Variants in NCEH1 observed in about 807,000 individuals in gnomAD.
NCEH1 encodes the protein 2-acetyl MAGE hydrolase.
A neutral mutation model predicts 25.4 loss-of-function variants in NCEH1; 9 were observed. That is an observed-to-expected ratio of 0.35 (90% CI 0.21 to 0.62). NCEH1 has a LOEUF of 0.62. Ranked by LOEUF, NCEH1 falls within the 20% of genes least tolerant of loss-of-function variation. NCEH1 has a pLI of 0.72. For synonymous variants in NCEH1, 200 were observed against 199.8 expected (o/e 1.00, Z -0.01); for missense variants, 412 against 501.1 (o/e 0.82, Z 1.70).
chr3:172,700,062 A>C (rs1713595338), intron 1 of NCEH1, among the ~76,000 whole-genome samples: 1 of 152,214 alleles, frequency 6.6e-6, no homozygotes, highest in African/African-American at 2.4e-5. Flanking sequence ...GAGCTTCCCA[A>C]TAGGTATTCT....
At position 172,632,046 on chromosome 3, in the gene NCEH1, G is replaced by A. The variant is rs1401907679; in HGVS notation, c.*1429C>T. The A allele has an allele frequency of 6.6e-6, 1 of 152,626 alleles. No homozygotes were observed. The highest frequency in any genetic ancestry group is 1.5e-5 in the Non-Finnish European group (1 of 68,036). The allele number at this position is 152,626 out of a possible 1,614,324, so 9.5% of individuals were successfully genotyped here. On this transcript the variant is annotated 3_prime_UTR_variant, in exon 5 of 5. Coordinates refer to ENST00000475381, the MANE Select transcript of NCEH1 (RefSeq NM_020792.6). The stretch of plus-strand genomic sequence containing the variant: ...ACCTGGCTGGAAGGAGGAGATGGGG[G>A]ATCTAGGCAACACCAGGTGCCAGTG...
At chr3:172,701,453 T>A (rs1713676031) in intron 1 of NCEH1, among the ~76,000 whole-genome samples, 1 of 137,340 alleles carries the variant, frequency 7.3e-6, no homozygotes, top group Non-Finnish European at 1.5e-5. Context: ...TTTTGCCTTT[T>A]TTTTTTTTTT....
At position 172,648,181 on chromosome 3, in the gene NCEH1, C is replaced by T. The variant is rs1269083364; in HGVS notation, c.139-67G>A. On this transcript the variant is annotated intron_variant, in intron 1 of 4. Coordinates refer to ENST00000475381, the MANE Select transcript of NCEH1 (RefSeq NM_020792.6). ...AACTTGGCATCACCAGAGCTGCCCTCACCAACTGAGTGTCTGAATTCCTAC... is the reference window on the plus strand; with the variant it reads ...AACTTGGCATCACCAGAGCTGCCCTTACCAACTGAGTGTCTGAATTCCTAC... 2.5e-6 allele frequency: 4 copies of T among 1,573,522 alleles called. No individual in the cohort carries two copies. In the South Asian group the frequency reaches 3.4e-5, roughly 13 times the overall value.
chr3:172,708,548 G>T (rs1023346566), intron 1 of NCEH1, among the ~76,000 whole-genome samples: 1 of 152,098 alleles, frequency 6.6e-6, no homozygotes, highest in African/African-American at 2.4e-5. Context: ...GTAGAAAGAG[G>T]TTTCACTATG....
chr3:172,690,878 A>C (rs1369854943), intron 1 of NCEH1, among the ~76,000 whole-genome samples: 1 of 152,090 alleles, frequency 6.6e-6, no homozygotes, highest in Non-Finnish European at 1.5e-5. Flanking sequence ...CTATTTTCCA[A>C]AATTTCTATA....
intron 3 of NCEH1, among the ~76,000 whole-genome samples, chr3:172,638,541 TG>T (rs1716706690): frequency 1.7e-5 from 2 of 115,228 alleles, no homozygotes; most frequent in African/African-American, 6.7e-5. Context: ...CCCTAGTTCT[TG>T]GGGTGGGGGG....
chr3:172,685,409 T>TC (rs774376405), intron 1 of NCEH1, among the ~76,000 whole-genome samples: 11 of 152,222 alleles, frequency 7.2e-5, no homozygotes, highest in Non-Finnish European at 1.2e-4. Flanking sequence ...ATAAATCCCT[T>TC]CCCTAAGGCT....
chr3:172,692,906 G>A (rs1713148104), intron 1 of NCEH1, among the ~76,000 whole-genome samples: 1 of 152,184 alleles, frequency 6.6e-6, no homozygotes, highest in Non-Finnish European at 1.5e-5. Flanking sequence ...TGTCTGCCAT[G>A]CTCTTTCACC....
At chr3:172,640,858 G>C (rs115174581) in intron 3 of NCEH1, among the ~76,000 whole-genome samples, 101 of 152,288 alleles carry the variant, frequency 6.6e-4, no homozygotes, top group African/African-American at 2.4e-3. Context: ...CTTGAGTGCA[G>C]TGACACCATC....
intron 1 of NCEH1, among the ~76,000 whole-genome samples, chr3:172,670,828 C>A (rs1420922645): frequency 1.3e-5 from 2 of 151,848 alleles, no homozygotes; most frequent in African/African-American, 2.4e-5. Flanking sequence ...TTAAAAGAAC[C>A]AAAAACCTAT....
Position 172,635,993 on chromosome 3 carries a change from A to G in NCEH1, c.532T>C (p.Tyr178His). The change falls in exon 4 of 5, where the codon TAT becomes CAT. Residue 178 changes from tyrosine (Y) to histidine (H), a missense_variant. By Grantham distance (83) the Tyr-to-His change is moderately conservative. Coordinates refer to ENST00000475381, the MANE Select transcript of NCEH1 (RefSeq NM_020792.6). ...YFLKPEVLQK[Y>H]MVDPGRICIS... ...CAAATTCTGCCTGGATCAACCATAT[A>G]CTTCTGTAAGACTTCTGGCTTCAGG... The G allele has an allele frequency of 4.3e-6, 7 of 1,614,100 alleles. No individual in the cohort carries two copies. Among genetic ancestry groups the G allele is most frequent in the Non-Finnish European group, 5.9e-6 (7 of 1,179,986 alleles).
At chr3:172,643,843 C>T (rs1417624542) in intron 3 of NCEH1, among the ~76,000 whole-genome samples, 2 of 152,234 alleles carry the variant, frequency 1.3e-5, no homozygotes, top group Non-Finnish European at 2.9e-5. Flanking sequence ...TGAATGGCCC[C>T]TGAAGCTTGT....
rs1384589236 is a variant in NCEH1, at chr3:172,648,094, C to T, written c.159G>A (p.Leu53=). 1.2e-6 allele frequency: 2 copies of T among 1,614,084 alleles called. No homozygotes were observed. The highest frequency in any genetic ancestry group is 1.7e-6 in the Non-Finnish European group (2 of 1,180,032). ...GTGCCAGCAGGTGATGGCTCAGTCC[C>T]AGGTAGTGGATCAGGTTACTCTGCA... ...AQQVSNLIHY[L]GLSHHLLALN... is the part of the protein sequence containing the mutation. Residue 53 remains leucine, a synonymous_variant, in exon 2 of 5, where the codon CTG becomes CTA. Transcript: ENST00000475381.
intron 3 of NCEH1, among the ~76,000 whole-genome samples, chr3:172,637,893 A>G (rs1716665212): frequency 6.6e-6 from 1 of 150,544 alleles, no homozygotes; most frequent in Non-Finnish European, 1.5e-5. Flanking sequence ...CATCTCAAAA[A>G]AAAAATAGCC....
chr3:172,647,595 G>T (rs1717179689), intron 2 of NCEH1, among the ~76,000 whole-genome samples: 1 of 152,172 alleles, frequency 6.6e-6, no homozygotes, highest in South Asian at 2.1e-4. Flanking sequence ...CTGTGATTTA[G>T]ATCATAGGAA....
chr3:172,707,609 G>A (rs1309725113), intron 1 of NCEH1, among the ~76,000 whole-genome samples: 5 of 151,868 alleles, frequency 3.3e-5, no homozygotes, highest in African/African-American at 9.7e-5. Flanking sequence ...TTTTTGAGAC[G>A]GAGTCTCACA....
chr3:172,703,483 G>T (rs981099239), intron 1 of NCEH1, among the ~76,000 whole-genome samples: 1 of 132,196 alleles, frequency 7.6e-6, no homozygotes, highest in Admixed American at 8.4e-5. Flanking sequence ...AGCCGAGATC[G>T]CACCATTGCA....
At chr3:172,705,206 A>T (rs1462674679) in intron 1 of NCEH1, among the ~76,000 whole-genome samples, 1 of 152,174 alleles carries the variant, frequency 6.6e-6, no homozygotes, top group African/African-American at 2.4e-5. Flanking sequence ...GCATAGTTTC[A>T]CTATGTTGCC....
intron 1 of NCEH1, among the ~76,000 whole-genome samples, chr3:172,674,779 T>G (rs1287668679): frequency 6.6e-6 from 1 of 152,244 alleles, no homozygotes; most frequent in East Asian, 1.9e-4. Context: ...GAATTCTGGT[T>G]GTAAAATTCT....
Sources: gnomAD v4.1 joint callset for allele counts (sites outside exome capture counted in the v4.1 genomes callset) on GRCh38, gnomAD v4.1.1 for gene constraint, MANE v1.5 for transcripts, NCBI Gene and HGNC (gene_info 2026-07-23, HGNC 2026-07-21) for gene names.